The following PCDH15 variants were observed in gnomAD, a reference collection of about 807,000 sequenced individuals.
PCDH15 encodes protocadherin related 15, also known as protocadherin-15.
PCDH15 carries 129 observed loss-of-function variants against 178.5 expected under a neutral mutation model. The observed-to-expected ratio is 0.72, with a 90% CI of 0.63 to 0.84. The LOEUF is 0.84. PCDH15 is among the 40% of genes least tolerant of loss of function. PCDH15 has a pLI of 0.00. For missense variants in PCDH15, 2,230 were observed against 2,099.9 expected (o/e 1.06, Z -1.21); for synonymous variants, 800 against 732.0 (o/e 1.09, Z -1.50).
chr10:55,042,746 TG>T, intron 2 of PCDH15, among the ~76,000 whole-genome samples: 1 of 152,276 alleles, frequency 6.6e-6, no homozygotes, highest in South Asian at 2.1e-4. Context: ...AATGTAGTGC[TG>T]GATCAAAGCA....
At chr10:54,801,822 T>C (rs930696582), upstream of PCDH15, among the ~76,000 whole-genome samples, 2 of 152,242 alleles carry the variant, frequency 1.3e-5, no homozygotes, top group Non-Finnish European at 2.9e-5. Flanking sequence ...CGAAGAAATA[T>C]ACTATACAAA....
At chr10:54,630,268 T>C (rs904435021) in intron 2 of PCDH15, among the ~76,000 whole-genome samples, 1 of 152,102 alleles carries the variant, frequency 6.6e-6, no homozygotes, top group African/African-American at 2.4e-5. Context: ...TCAAATTGTA[T>C]ATAAGGCTAC....
At chr10:55,403,709 T>C (rs1334151140) in intron 2 of PCDH15, among the ~76,000 whole-genome samples, 1 of 151,964 alleles carries the variant, frequency 6.6e-6, no homozygotes, top group African/African-American at 2.4e-5. Flanking sequence ...TACCTTGCTG[T>C]TTTTGGTTAC....
chr10:55,574,122 C>A (rs1842455360), intron 2 of PCDH15, among the ~76,000 whole-genome samples: 1 of 151,976 alleles, frequency 6.6e-6, no homozygotes, highest in East Asian at 1.9e-4. Flanking sequence ...AATCAACATT[C>A]TTTGGTCTTT....
intron 2 of PCDH15, among the ~76,000 whole-genome samples, chr10:55,502,645 G>A (rs113608146): frequency 6.6e-6 from 1 of 151,608 alleles, no homozygotes; most frequent in Admixed American, 6.6e-5. Flanking sequence ...AGGATTGCTG[G>A]TGAAATAATG....
At chr10:54,940,471 T>A (rs1838033729) in intron 2 of PCDH15, among the ~76,000 whole-genome samples, 2 of 152,168 alleles carry the variant, frequency 1.3e-5, no homozygotes, top group South Asian at 4.1e-4. Context: ...ATACGTACCA[T>A]TTGCATTTGA....
intron 23 of PCDH15, among the ~76,000 whole-genome samples, chr10:53,950,794 G>T (rs990088281): frequency 1.3e-5 from 2 of 152,148 alleles, no homozygotes; most frequent in Non-Finnish European, 2.9e-5. Context: ...TTTCTGTAGG[G>T]TTTAAATGAA....
intron 2 of PCDH15, among the ~76,000 whole-genome samples, chr10:54,965,608 C>CATATATATATATAT (rs71461263): frequency 3.5e-5 from 5 of 141,436 alleles, no homozygotes; most frequent in Non-Finnish European, 6.1e-5. Flanking sequence ...AACTTTGCTT[C>CATATATATATATAT]ATATATATAT....
chr10:55,472,706 C>T (rs1455413787), intron 2 of PCDH15, among the ~76,000 whole-genome samples: 1 of 152,108 alleles, frequency 6.6e-6, no homozygotes, highest in African/African-American at 2.4e-5. Context: ...GTAGCTGTGA[C>T]TACAGGCGCC....
chr10:54,807,145 T>A (rs1454518463), intron 3 of PCDH15, among the ~76,000 whole-genome samples: 1 of 152,174 alleles, frequency 6.6e-6, no homozygotes, highest in East Asian at 1.9e-4. Context: ...CCTAAAGTAT[T>A]TAGCATATTC....
intron 21 of PCDH15, among the ~76,000 whole-genome samples, chr10:53,963,295 C>T (rs987885442): frequency 1.3e-5 from 2 of 152,156 alleles, no homozygotes; most frequent in South Asian, 2.1e-4. Context: ...TACTACACGT[C>T]ACCACTGATG....
At chr10:54,455,888 A>C (rs1034807033) in intron 3 of PCDH15, among the ~76,000 whole-genome samples, 10 of 152,182 alleles carry the variant, frequency 6.6e-5, no homozygotes, top group Non-Finnish European at 1.2e-4. Context: ...TGTACAGCTC[A>C]GGCTGTTCTT....
At chr10:54,893,459 A>T (rs1257709252) in intron 3 of PCDH15, among the ~76,000 whole-genome samples, 2 of 152,108 alleles carry the variant, frequency 1.3e-5, no homozygotes, top group East Asian at 3.9e-4. Flanking sequence ...TCCTCACCCC[A>T]ACTATTATCT....
intron 2 of PCDH15, among the ~76,000 whole-genome samples, chr10:55,094,213 TA>T (rs1842390083): frequency 6.6e-6 from 1 of 151,950 alleles, no homozygotes; most frequent in Non-Finnish European, 1.5e-5. Context: ...TATGCAGCCA[TA>T]AAAAGGATGA....
intron 28 of PCDH15, among the ~76,000 whole-genome samples, chr10:53,843,060 A>G (rs2077757387): frequency 6.6e-6 from 1 of 152,234 alleles, no homozygotes; most frequent in Non-Finnish European, 1.5e-5. Context: ...GGAATAAAAT[A>G]TAACTGTACC....
intron 6 of PCDH15, among the ~76,000 whole-genome samples, chr10:54,345,725 C>T (rs979950947): frequency 4.2e-5 from 5 of 119,046 alleles, no homozygotes; most frequent in Non-Finnish European, 8.1e-5. Flanking sequence ...ACTAAATATA[C>T]AAAAAAATTG....
At chr10:54,662,913 C>G (rs970878755) in intron 2 of PCDH15, among the ~76,000 whole-genome samples, 1 of 151,922 alleles carries the variant, frequency 6.6e-6, no homozygotes, top group East Asian at 1.9e-4. Flanking sequence ...GTTATTTATA[C>G]ATACTGCTTT....
chr10:53,839,620 A>G (rs1422535836), intron 29 of PCDH15, among the ~76,000 whole-genome samples: 2 of 152,246 alleles, frequency 1.3e-5, no homozygotes, highest in African/African-American at 4.8e-5. Context: ...GAATTTCATT[A>G]CAAGACCCAG....
intron 2 of PCDH15, among the ~76,000 whole-genome samples, chr10:54,959,102 G>A (rs1488366730): frequency 1.3e-5 from 2 of 151,688 alleles, no homozygotes; most frequent in Non-Finnish European, 1.5e-5. Context: ...GGAGTTCACA[G>A]TGATCATATA....
Sources: allele counts gnomAD v4.1 joint callset (sites outside exome capture counted in the v4.1 genomes callset), GRCh38; gene constraint gnomAD v4.1.1; transcripts MANE v1.5; gene names NCBI Gene and HGNC (gene_info 2026-07-23, HGNC 2026-07-21).